AHDC1: variants seen among roughly 807,000 people sequenced by gnomAD.
AHDC1 encodes the protein AT-hook DNA binding motif containing 1.
A neutral mutation model predicts 87.9 loss-of-function variants in AHDC1; 7 were observed. That is an observed-to-expected ratio of 0.08 (90% CI 0.05 to 0.15). The LOEUF (loss-of-function observed/expected upper bound fraction) is 0.15, where lower values mean the gene tolerates loss of function less well. AHDC1 is among the 10% of genes least tolerant of loss of function. AHDC1 has a pLI of 1.00. For synonymous variants in AHDC1, 1,051 were observed against 1,006.8 expected, an observed-to-expected ratio of 1.04 and a Z score of -0.83; for missense variants, 1,841 against 2,253.2, an observed-to-expected ratio of 0.82 and a Z score of 3.70.
intron 8 of AHDC1, among the ~76,000 whole-genome samples, chr1:27,540,379 C>T (rs906623410): frequency 2.0e-5 from 3 of 150,346 alleles, no homozygotes; most frequent in Non-Finnish European, 3.0e-5. Flanking sequence ...ATTCTACATG[C>T]TTTTCTTCAA....
chr1:27,552,382 C>T, intron 7 of AHDC1, 193 bp from the exon 8 acceptor site: 1 of 433,912 alleles, frequency 2.3e-6, no homozygotes, highest in Non-Finnish European at 3.8e-6. Context: ...TAGTGAGCCC[C>T]TCATGGGCCC....
At chr1:27,556,222 C>T (rs1352045555) in intron 5 of AHDC1, among the ~76,000 whole-genome samples, 1 of 148,838 alleles carries the variant, frequency 6.7e-6, no homozygotes, top group African/African-American at 2.5e-5. Flanking sequence ...CTTCCCCAGC[C>T]CTCCTTCCCC....
At chr1:27,556,004 G>A (rs958578330) in intron 5 of AHDC1, among the ~76,000 whole-genome samples, 6 of 152,142 alleles carry the variant, frequency 3.9e-5, no homozygotes, top group African/African-American at 1.4e-4. Context: ...GTACCACCTA[G>A]CCCTGGTCTG....
rs544709374 is a variant in AHDC1, at chr1:27,586,974, T to C, written c.-629+16423A>G. Among the ~76,000 whole-genome samples the C allele has an allele frequency of 8.5e-5, 13 of 152,286 alleles. No individual in the cohort carries two copies. In the South Asian group the frequency reaches 2.7e-3, roughly 32 times the overall value. ...TCTTCTGTGCTGAGGCCCTGGCCCCTCATTTGGAGTGCCCCAAAATCCATC... is the reference window on the plus strand; with the variant it reads ...TCTTCTGTGCTGAGGCCCTGGCCCCCCATTTGGAGTGCCCCAAAATCCATC... On this transcript the variant is annotated intron_variant, in intron 3 of 8. Coordinates refer to ENST00000673934, the MANE Select transcript of AHDC1 (RefSeq NM_001371928.1).
At chr1:27,582,983 G>C (rs2088949643) in intron 3 of AHDC1, among the ~76,000 whole-genome samples, 1 of 152,084 alleles carries the variant, frequency 6.6e-6, no homozygotes, top group African/African-American at 2.4e-5. Context: ...CGCACTCTCG[G>C]CTCACTGCAA....
chr1:27,557,761 C>T (rs2019890364), intron 5 of AHDC1, among the ~76,000 whole-genome samples: 1 of 152,164 alleles, frequency 6.6e-6, no homozygotes, highest in Non-Finnish European at 1.5e-5. Flanking sequence ...ACACAGTATC[C>T]CCACACCTGC....
In AHDC1 at chr1:27,560,438, C is replaced by T. The variant is rs917912850; in HGVS notation, c.-628-1555G>A. On this transcript the variant is annotated intron_variant, in intron 3 of 8. Coordinates refer to ENST00000673934, the MANE Select transcript of AHDC1 (RefSeq NM_001371928.1). This position sits in a 1 kb window ranked among gnomAD's most constrained non-coding sequence, Gnocchi z 4.1. ...TTTGGCAGGGGGTGGGGGCGTGAGG[C>T]TGATCCTCTGCTGTCCCTGCAGGTT... Among the ~76,000 whole-genome samples, 2 of 152,166 alleles carry T rather than the reference C, an allele frequency of 1.3e-5. No homozygotes were observed. Among genetic ancestry groups the T allele is most frequent in the African/African-American group, 4.8e-5 (2 of 41,422 alleles).
rs749155416 is a variant in AHDC1, at chr1:27,534,247, GGTTTTTTTTTTTT to G, written c.*700_*712del. On this transcript the variant is annotated 3_prime_UTR_variant, in exon 9 of 9. Transcript: ENST00000673934. ...TCCCCCTTTCACAAGACACAAGGTTGGTTTTTTTTTTTTGTTTTTTTTTTGTTTTTTTTTTGCT... is the reference window on the plus strand; with the variant it reads ...TCCCCCTTTCACAAGACACAAGGTTGGTTTTTTTTTTGTTTTTTTTTTGCT... The G allele has an allele frequency of 2.8e-5, 4 of 140,632 alleles. No homozygotes were observed. The highest frequency in any genetic ancestry group is 4.6e-5 in the Non-Finnish European group (3 of 65,268). 8.7% of individuals were successfully genotyped at this position (140,632 alleles called of 1,614,324 possible). A position where few individuals can be genotyped will look rare whatever the true frequency, so the allele number is the denominator to read the frequency against.
chr1:27,573,581 T>C (rs998207353), intron 3 of AHDC1, among the ~76,000 whole-genome samples: 1 of 152,126 alleles, frequency 6.6e-6, no homozygotes, highest in African/African-American at 2.4e-5. Context: ...ATAAATTTGG[T>C]GGGATCCAGG....
intron 3 of AHDC1, among the ~76,000 whole-genome samples, chr1:27,580,766 G>C (rs2088882531): frequency 6.6e-6 from 1 of 152,144 alleles, no homozygotes; most frequent in African/African-American, 2.4e-5. Flanking sequence ...TATTACTATT[G>C]ATCATCTAGC....
At position 27,558,693 on chromosome 1, in the gene AHDC1, T is replaced by G. The variant is rs931918706; in HGVS notation, c.-451+13A>C. On this transcript the variant is annotated intron_variant, in intron 4 of 8. Coordinates refer to ENST00000673934, the MANE Select transcript of AHDC1 (RefSeq NM_001371928.1). This position sits in a 1 kb window ranked among gnomAD's most constrained non-coding sequence, Gnocchi z 5.6. ...GGCCCAGGCCCAAGCCTGACTTCCC[T>G]GCACACTGTTACCTGAGCAGGCTGC... The G allele has an allele frequency of 1.1e-4, 42 of 398,514 alleles. No homozygotes were observed. The highest frequency in any genetic ancestry group is 1.3e-5 in the Non-Finnish European group (3 of 226,068). 24.7% of individuals were successfully genotyped at this position (398,514 alleles called of 1,614,324 possible).
At chr1:27,557,253 C>T (rs904622614) in intron 5 of AHDC1, among the ~76,000 whole-genome samples, 6 of 151,310 alleles carry the variant, frequency 4.0e-5, no homozygotes, top group Non-Finnish European at 7.4e-5. Flanking sequence ...CTAAGCTTCC[C>T]GCCCTGCTCC....
Position 27,549,703 on chromosome 1 carries a change from C to A in AHDC1, c.2413G>T (p.Gly805Trp). ...GTEARAFASTGLESGASGRGS... is the reference protein window; with the variant it reads ...GTEARAFASTWLESGASGRGS... ...CGGCCTGAGGCTCCACTCTCCAGCC[C>A]AGTGGAGGCAAAGGCCCGGGCCTCG... is the stretch of plus-strand genomic sequence containing the variant. The change falls in exon 8 of 9, where the codon GGG becomes TGG. Residue 805 changes from glycine (G) to tryptophan (W), a missense_variant. By Grantham distance (184) the Gly-to-Trp change is radical. Transcript: ENST00000673934. 1 of 1,612,890 alleles carries A rather than the reference C, an allele frequency of 6.2e-7. No individual in the cohort carries two copies. Among genetic ancestry groups the A allele is most frequent in the Non-Finnish European group, 8.5e-7 (1 of 1,179,978 alleles).
At chr1:27,544,187 G>C (rs1398256085) in intron 8 of AHDC1, among the ~76,000 whole-genome samples, 1 of 152,098 alleles carries the variant, frequency 6.6e-6, no homozygotes, top group South Asian at 2.1e-4. Context: ...GTTGTGGTGG[G>C]GAGACACACC....
rs1169397943 is a variant in AHDC1, at chr1:27,560,201, TG to T, written c.-628-1319del. On this transcript the variant is annotated intron_variant, in intron 3 of 8. Coordinates refer to ENST00000673934, the MANE Select transcript of AHDC1 (RefSeq NM_001371928.1). This position sits in a 1 kb window ranked among gnomAD's most constrained non-coding sequence, Gnocchi z 4.1. ...TTTTCACGTTTATTTCTATTCGTTTTGTGTGTGTGTGTGTGTGTGTGTGAGT... is the reference window on the plus strand; with the variant it reads ...TTTTCACGTTTATTTCTATTCGTTTTTGTGTGTGTGTGTGTGTGTGTGAGT... Among the ~76,000 whole-genome samples, 53 of 1,378 alleles carry T rather than the reference TG, an allele frequency of 0.038. No homozygotes were observed. Among genetic ancestry groups the T allele is most frequent in the African/African-American group, 0.042 (52 of 1,246 alleles). The allele number at this position is 1,378 out of a possible 152,430, so 0.9% of individuals were successfully genotyped here.
At chr1:27,583,305 C>T (rs2088959540) in intron 3 of AHDC1, among the ~76,000 whole-genome samples, 1 of 152,226 alleles carries the variant, frequency 6.6e-6, no homozygotes, top group Non-Finnish European at 1.5e-5. Context: ...AAGCCGCGTT[C>T]ATTCTCACCT....
At position 27,549,353 on chromosome 1, in the gene AHDC1, G is replaced by A. The variant is rs200837232; in HGVS notation, c.2763C>T (p.Phe921=). ...CATAGCTTGCTGCTCGTCCTGGTGGGAAGGTCTGGCGCGCGGACAGGACAG... is the reference window on the plus strand; with the variant it reads ...CATAGCTTGCTGCTCGTCCTGGTGGAAAGGTCTGGCGCGCGGACAGGACAG... ...FQPVLSARQT[F]PPGRAASYGL... The change falls in exon 8 of 9, where the codon TTC becomes TTT. Residue 921 remains phenylalanine, a synonymous_variant. Coordinates refer to ENST00000673934, the MANE Select transcript of AHDC1 (RefSeq NM_001371928.1). The A allele has an allele frequency of 6.2e-7, 1 of 1,612,702 alleles. No individual in the cohort carries two copies. The highest frequency in any genetic ancestry group is 2.2e-5 in the East Asian group (1 of 44,838).
Position 27,548,489 on chromosome 1 carries a change from G to C in AHDC1, c.3627C>G (p.Asn1209Lys). ...TGTAGCCGGGGGCAGATGATGCCTC[G>C]TTCCAGTCCATCATCAGTTTCTCCA... ...SSLEKLMMDW[N>K]EASSAPGYNW... The change falls in exon 8 of 9, where the codon AAC becomes AAG. Residue 1209 changes from asparagine (N) to lysine (K), a missense_variant. This residue lies in a region of AHDC1 where 505 missense variants were observed against 626.2 expected (regional missense o/e 0.81). Transcript: ENST00000673934. 2 of 1,613,906 alleles carry C rather than the reference G, an allele frequency of 1.2e-6. No individual in the cohort carries two copies. The highest frequency in any genetic ancestry group is 1.3e-5 in the African/African-American group (1 of 75,060).
chr1:27,577,634 C>T (rs1018681441), intron 3 of AHDC1, among the ~76,000 whole-genome samples: 16 of 152,354 alleles, frequency 1.1e-4, no homozygotes, highest in African/African-American at 3.1e-4. Context: ...CCCCCCACTC[C>T]GCCCCGGAAA....
Sources: allele counts gnomAD v4.1 joint callset (sites outside exome capture counted in the v4.1 genomes callset), GRCh38; gene constraint gnomAD v4.1.1; regional missense constraint gnomAD v4.1.1; non-coding constraint Gnocchi (gnomAD v3.1); transcripts MANE v1.5; gene names NCBI Gene and HGNC (gene_info 2026-07-23, HGNC 2026-07-21).